The following PFKP variants were observed in gnomAD, a reference collection of about 807,000 sequenced individuals.
PFKP encodes ATP-dependent 6-phosphofructokinase, platelet type.
PFKP carries 101 observed loss-of-function variants against 94.3 expected under a neutral mutation model. That is an observed-to-expected ratio of 1.07 (90% confidence interval 0.91 to 1.26). The LOEUF (loss-of-function observed/expected upper bound fraction) is 1.26, where lower values mean the gene tolerates loss of function less well. Ranked by LOEUF, PFKP falls within the 50% of genes most tolerant of loss-of-function variation. The pLI, the probability that PFKP is intolerant of heterozygous loss-of-function variation, is 0.00. For synonymous variants in PFKP, 573 were observed against 432.6 expected, an observed-to-expected ratio of 1.32 and a Z score of -4.03; for missense variants, 1,145 against 1,103.3, an observed-to-expected ratio of 1.04 and a Z score of -0.53.
At chr10:3,116,719 T>A in intron 13 of PFKP, 57 bp from the exon 14 acceptor site, 2 of 1,344,476 alleles carry the variant, frequency 1.5e-6, no homozygotes, top group Non-Finnish European at 2.1e-6. Context: ...TTTTAGCACT[T>A]TGCAACTTGC....
At chr10:3,068,370 C>T (rs1232509770) in intron 1 of PFKP, among the ~76,000 whole-genome samples, 2 of 152,138 alleles carry the variant, frequency 1.3e-5, no homozygotes, top group Admixed American at 6.5e-5. Flanking sequence ...CTCGCGTTTC[C>T]GCTGGGAGAT....
At chr10:3,130,959 C>G (rs987571395) in intron 17 of PFKP, among the ~76,000 whole-genome samples, 1 of 152,192 alleles carries the variant, frequency 6.6e-6, no homozygotes, top group Non-Finnish European at 1.5e-5. Flanking sequence ...TCACGAATTT[C>G]TTTACCATGT....
At chr10:3,091,341 G>A (rs1834024106) in intron 2 of PFKP, among the ~76,000 whole-genome samples, 2 of 152,052 alleles carry the variant, frequency 1.3e-5, no homozygotes, top group African/African-American at 4.8e-5. Context: ...CCCTGGCTCT[G>A]GTGGGTCCAA....
chr10:3,131,387 C>A (rs969280222), intron 17 of PFKP, among the ~76,000 whole-genome samples: 1 of 152,176 alleles, frequency 6.6e-6, no homozygotes, highest in Non-Finnish European at 1.5e-5. Flanking sequence ...TTTCAGAAAT[C>A]TATCCAAAGA....
chr10:3,117,343 C>A (rs564641491), intron 14 of PFKP, among the ~76,000 whole-genome samples: 1 of 152,190 alleles, frequency 6.6e-6, no homozygotes, highest in Non-Finnish European at 1.5e-5. Context: ...AGCCTGGCGT[C>A]CCTGCATCCC....
chr10:3,090,467 G>T (rs540582805), intron 2 of PFKP, among the ~76,000 whole-genome samples: 1 of 152,318 alleles, frequency 6.6e-6, no homozygotes, highest in South Asian at 2.1e-4. Flanking sequence ...GCATGCCTTT[G>T]ACTCCATGGG....
At chr10:3,089,368 G>A (rs954956891) in intron 2 of PFKP, among the ~76,000 whole-genome samples, 28 of 152,116 alleles carry the variant, frequency 1.8e-4, no homozygotes, top group Non-Finnish European at 3.2e-4. Context: ...ATCCGCTGAC[G>A]GGCGCTGATT....
Position 3,119,950 on chromosome 10 carries a change from TC to T in PFKP, c.1593del (p.Met532TrpfsTer25). 1 of 1,614,144 alleles carries T rather than the reference TC, an allele frequency of 6.2e-7. No homozygotes were observed. The highest frequency in any genetic ancestry group is 8.5e-7 in the Non-Finnish European group (1 of 1,180,008). ...AAREKHEEFC[V>X]PMVMVPATVS... ...CGGGAGAAGCACGAGGAGTTCTGTG[TC>T]CCCATGGTCATGGTTCCCGCTACTG... On this transcript the variant is annotated frameshift_variant, in exon 16 of 22. Transcript: ENST00000381125. LOFTEE classifies it high-confidence loss of function.
chr10:3,102,023 G>T (rs528975887), intron 4 of PFKP, among the ~76,000 whole-genome samples: 1 of 150,452 alleles, frequency 6.6e-6, no homozygotes, highest in African/African-American at 2.4e-5. Flanking sequence ...AGGCCGAGGC[G>T]GGCGGATCAC....
chr10:3,122,276 T>C (rs1371432073), intron 16 of PFKP, among the ~76,000 whole-genome samples: 1 of 151,886 alleles, frequency 6.6e-6, no homozygotes, highest in Non-Finnish European at 1.5e-5. Context: ...GTCTTGGGAG[T>C]GCGGTGGTTC....
intron 1 of PFKP, among the ~76,000 whole-genome samples, chr10:3,072,373 G>A (rs915308033): frequency 3.9e-5 from 6 of 152,216 alleles, no homozygotes; most frequent in African/African-American, 1.4e-4. Context: ...TGCTGGCTTC[G>A]GAGCCCAGTA....
chr10:3,119,017 G>T, intron 15 of PFKP, 148 bp downstream of exon 15: 1 of 607,774 alleles, frequency 1.6e-6, no homozygotes. Context: ...TAGAACAGCA[G>T]GATAGCAGGT....
chr10:3,108,834 G>T (rs1281060948), intron 9 of PFKP, 41 bp downstream of exon 9: 1 of 1,412,910 alleles, frequency 7.1e-7, no homozygotes, highest in Non-Finnish European at 1.0e-6. Flanking sequence ...AGGTCTCTAG[G>T]AGGAAGCGTT....
In PFKP at chr10:3,129,833, C is replaced by T. The variant is rs1838366441; in HGVS notation, c.1698C>T (p.Ile566=). The T allele has an allele frequency of 6.2e-7, 1 of 1,613,448 alleles. No homozygotes were observed. Among genetic ancestry groups the T allele is most frequent in the African/African-American group, 1.3e-5 (1 of 74,944 alleles). Residue 566 remains isoleucine (I), a synonymous_variant, in exon 17 of 22, where the codon ATC becomes ATT. Transcript: ENST00000381125. ...LNTITDTCDR[I]KQSASGTKRR... is the part of the protein sequence containing the mutation. ...TCTGTGACCAGACCTGCGACCGCATCAAGCAGTCCGCCAGCGGAACCAAGC... is the reference window on the plus strand; with the variant it reads ...TCTGTGACCAGACCTGCGACCGCATTAAGCAGTCCGCCAGCGGAACCAAGC...
rs1564327406 is a variant in PFKP, at chr10:3,115,420, C to CACG, written c.1372-1356_1372-1355insACG. Among the ~76,000 whole-genome samples the CACG allele has an allele frequency of 8.6e-3, 489 of 56,686 alleles. 76 individuals carry two copies. The highest frequency in any genetic ancestry group is 0.07 in the East Asian group (45 of 644). The allele number at this position is 56,686 out of a possible 152,430, so 37.2% of individuals were successfully genotyped here. On this transcript the variant is annotated intron_variant, in intron 13 of 21. Transcript: ENST00000381125. ...GATGCCGGGGTGAAGGTGTGTGTCC[C>CACG]GCCATGGAGGACAGGACTGGGGATG...
rs755542426 is a variant in PFKP at position 3,118,840 on chromosome 10, A to G, written c.1501A>G (p.Asn501Asp). 1.9e-6 allele frequency: 3 copies of G among 1,613,532 alleles called. No homozygotes were observed. Among genetic ancestry groups the G allele is most frequent in the Non-Finnish European group, 2.5e-6 (3 of 1,179,718 alleles). ...CACACAGATGCGCACGCACAGCATC[A>G]ACGCGCTGCTGATCATCGGTGGATT... is the stretch of plus-strand genomic sequence containing the variant. ...IATQMRTHSI[N>D]ALLIIGGFEA... Residue 501 changes from asparagine to aspartate, a missense_variant, in exon 15 of 22, where the codon AAC becomes GAC. Physicochemically the swap from Asn to Asp is conservative, Grantham distance 23 (BLOSUM62 1). Coordinates refer to ENST00000381125, the MANE Select transcript of PFKP (RefSeq NM_002627.5).
intron 20 of PFKP, 139 bp from the exon 21 acceptor site, chr10:3,135,597 G>A: frequency 1.7e-6 from 1 of 602,530 alleles, no homozygotes; most frequent in Non-Finnish European, 3.0e-6. Context: ...CTGCGCGGCT[G>A]TTCTCAGTCT....
At chr10:3,093,065 AT>A (rs1460162758) in intron 2 of PFKP, among the ~76,000 whole-genome samples, 1 of 149,812 alleles carries the variant, frequency 6.7e-6, no homozygotes, top group Admixed American at 6.6e-5. Context: ...GGATGTGTGG[AT>A]GGGGGTGACC....
chr10:3,118,423 A>G (rs1035114617), intron 14 of PFKP, among the ~76,000 whole-genome samples: 2 of 152,160 alleles, frequency 1.3e-5, no homozygotes, highest in African/African-American at 2.4e-5. Flanking sequence ...AGCTGAGATT[A>G]CGCCACTACA....
Sources: gnomAD v4.1 joint callset for allele counts (sites outside exome capture counted in the v4.1 genomes callset) on GRCh38, gnomAD v4.1.1 for gene constraint, MANE v1.5 for transcripts, NCBI Gene and HGNC (gene_info 2026-07-23, HGNC 2026-07-21) for gene names.